OPCML: variants seen among roughly 807,000 people sequenced by gnomAD.
The protein encoded by OPCML is opioid-binding protein/cell adhesion molecule.
OPCML carries 13 observed loss-of-function variants against 37.8 expected under a neutral mutation model. The observed-to-expected ratio is 0.34, with a 90% CI of 0.22 to 0.55. OPCML has a LOEUF of 0.55. OPCML is among the 20% of genes least tolerant of loss of function. The probability of loss-of-function intolerance (pLI) is 0.91; values close to 1 mark genes in which losing one functional copy is unlikely to be tolerated. For synonymous variants in OPCML, 176 were observed against 168.8 expected (o/e 1.04, Z -0.33); for missense variants, 341 against 435.6 (o/e 0.78, Z 1.93).
At chr11:132,732,198 C>A (rs983771020) in intron 2 of OPCML, among the ~76,000 whole-genome samples, 1 of 152,036 alleles carries the variant, frequency 6.6e-6, no homozygotes, top group Non-Finnish European at 1.5e-5. Flanking sequence ...TAATAAGGAC[C>A]TAAATTAAGT....
At chr11:132,910,215 G>C (rs1330959256) in intron 2 of OPCML, among the ~76,000 whole-genome samples, 1 of 152,228 alleles carries the variant, frequency 6.6e-6, no homozygotes, top group Non-Finnish European at 1.5e-5. Context: ...CCCGAATGGA[G>C]TCTGCAGGCC....
At chr11:132,716,083 A>G (rs1279500357) in intron 2 of OPCML, among the ~76,000 whole-genome samples, 1 of 152,224 alleles carries the variant, frequency 6.6e-6, no homozygotes, top group Non-Finnish European at 1.5e-5. Context: ...TTTATCACCA[A>G]AGGAAAGAAA....
chr11:132,939,880 C>T (rs754808078), intron 2 of OPCML, among the ~76,000 whole-genome samples: 9 of 152,076 alleles, frequency 5.9e-5, no homozygotes, highest in Non-Finnish European at 1.2e-4. Flanking sequence ...CCAAGAGGGC[C>T]CATTTGTAAT....
intron 3 of OPCML, among the ~76,000 whole-genome samples, chr11:132,538,145 T>G (rs1182899565): frequency 1.3e-5 from 2 of 152,134 alleles, no homozygotes; most frequent in Non-Finnish European, 2.9e-5. Context: ...ATAGACAAAA[T>G]TTTAAAACAA....
In OPCML at chr11:133,102,746, T is replaced by A. The variant is rs770407194; in HGVS notation, c.62-159736A>T. On this transcript the variant is annotated intron_variant, in intron 1 of 7. Transcript: ENST00000524381. ...GCCTGGGTGATAGAGCAAGACTCCA[T>A]CTCAAAAACACAAAAACAAAACAAA... Among the ~76,000 whole-genome samples, 78 of 152,120 alleles carry A rather than the reference T, an allele frequency of 5.1e-4. No homozygotes were observed. In the Middle Eastern group the frequency reaches 0.017, roughly 33 times the overall value.
chr11:133,039,198 G>GCTTA (rs1163026109), intron 1 of OPCML, among the ~76,000 whole-genome samples: 1 of 152,152 alleles, frequency 6.6e-6, no homozygotes, highest in Non-Finnish European at 1.5e-5. Context: ...CCTTGCCACA[G>GCTTA]CTTAGCCTTA....
intron 3 of OPCML, among the ~76,000 whole-genome samples, chr11:132,565,242 T>C (rs1207595591): frequency 2.0e-5 from 3 of 152,164 alleles, no homozygotes; most frequent in Admixed American, 6.5e-5. Context: ...CCTTTTACAA[T>C]ATGGCCAATA....
chr11:133,027,100 A>C (rs1405930871), intron 1 of OPCML, among the ~76,000 whole-genome samples: 1 of 152,172 alleles, frequency 6.6e-6, no homozygotes, highest in African/African-American at 2.4e-5. Flanking sequence ...AGGAAGTTAC[A>C]TGGCCTCTCT....
At chr11:132,433,528 A>G (rs2136718383) in intron 7 of OPCML, among the ~76,000 whole-genome samples, 1 of 152,282 alleles carries the variant, frequency 6.6e-6, no homozygotes, top group South Asian at 2.1e-4. Flanking sequence ...AGTTTAAGTG[A>G]ATTGGGATGT....
At chr11:133,187,659 G>T (rs1438030239) in intron 1 of OPCML, among the ~76,000 whole-genome samples, 3 of 152,000 alleles carry the variant, frequency 2.0e-5, no homozygotes, top group Non-Finnish European at 4.4e-5. Flanking sequence ...TCAACAAGAG[G>T]GCACCCAGCA....
chr11:132,944,154 G>A (rs1351975626), intron 1 of OPCML, among the ~76,000 whole-genome samples: 7 of 151,974 alleles, frequency 4.6e-5, no homozygotes, highest in African/African-American at 1.7e-4. Context: ...GAGAGAACGC[G>A]GCGCCCCTCG....
intron 2 of OPCML, among the ~76,000 whole-genome samples, chr11:132,743,451 A>T (rs1945505471): frequency 6.6e-6 from 1 of 152,222 alleles, no homozygotes; most frequent in Non-Finnish European, 1.5e-5. Context: ...TATGGGAAGG[A>T]CATCTGATTA....
At chr11:133,032,696 G>C (rs1441126075) in intron 1 of OPCML, among the ~76,000 whole-genome samples, 3 of 152,184 alleles carry the variant, frequency 2.0e-5, no homozygotes, top group Middle Eastern at 3.2e-3. Flanking sequence ...AGATACTAAT[G>C]AAAGAAGCCT....
chr11:133,391,066 G>T (rs949027772), intron 1 of OPCML, among the ~76,000 whole-genome samples: 7 of 152,216 alleles, frequency 4.6e-5, no homozygotes, highest in African/African-American at 1.7e-4. Flanking sequence ...CCACCTGCAC[G>T]ACTCAGCGGA....
At chr11:132,834,551 T>C (rs927435323) in intron 2 of OPCML, among the ~76,000 whole-genome samples, 2 of 152,194 alleles carry the variant, frequency 1.3e-5, no homozygotes, top group Admixed American at 1.3e-4. Context: ...CCCCAGGCCT[T>C]CTTTGGCCTG....
At chr11:132,528,997 T>C (rs770130795) in intron 4 of OPCML, 64 bp downstream of exon 4, 1 of 943,314 alleles carries the variant, frequency 1.1e-6, no homozygotes, top group Non-Finnish European at 1.6e-6. Context: ...GAAGCTCTGT[T>C]GTGCATAAGA....
intron 2 of OPCML, among the ~76,000 whole-genome samples, chr11:132,926,554 G>A (rs2136611091): frequency 6.6e-6 from 1 of 152,154 alleles, no homozygotes; most frequent in East Asian, 1.9e-4. Flanking sequence ...AAGAACTTAA[G>A]CCATCACATC....
At chr11:133,058,658 A>G (rs1948284952) in intron 1 of OPCML, among the ~76,000 whole-genome samples, 1 of 152,224 alleles carries the variant, frequency 6.6e-6, no homozygotes, top group South Asian at 2.1e-4. Flanking sequence ...TAAATCAGGT[A>G]GTGAGCGCGG....
At chr11:133,089,216 T>C (rs1156857191) in intron 1 of OPCML, among the ~76,000 whole-genome samples, 2 of 152,170 alleles carry the variant, frequency 1.3e-5, no homozygotes, top group Admixed American at 1.3e-4. Context: ...CAAGTAGAGA[T>C]ATACAGATAG....
Sources: gnomAD v4.1 joint callset for allele counts (sites outside exome capture counted in the v4.1 genomes callset) on GRCh38, gnomAD v4.1.1 for gene constraint, MANE v1.5 for transcripts, NCBI Gene and HGNC (gene_info 2026-07-23, HGNC 2026-07-21) for gene names.